The following MALRD1 variants were observed in gnomAD, a reference collection of about 807,000 sequenced individuals.
MALRD1 encodes the protein MAM and LDL-receptor class A domain-containing protein 1.
In MALRD1, 247 loss-of-function variants were observed where a neutral mutation model predicts 242.1. The observed-to-expected ratio is 1.02, with a 90% CI of 0.92 to 1.13. The LOEUF (loss-of-function observed/expected upper bound fraction) is 1.13, where lower values mean the gene tolerates loss of function less well. MALRD1 is among the 50% of genes most tolerant of loss of function. MALRD1 has a pLI of 0.00. For synonymous variants in MALRD1, 995 were observed against 866.6 expected, an observed-to-expected ratio of 1.15 and a Z score of -2.60; for missense variants, 2,989 against 2,533.1, an observed-to-expected ratio of 1.18 and a Z score of -3.86.
chr10:19,552,188 C>G (rs1332982245), intron 32 of MALRD1, among the ~76,000 whole-genome samples: 1 of 152,054 alleles, frequency 6.6e-6, no homozygotes, highest in Admixed American at 6.6e-5. Context: ...CTTTGTACAT[C>G]TGGTAAAATT....
chr10:19,487,850 A>G (rs532200663), intron 29 of MALRD1, among the ~76,000 whole-genome samples: 29 of 152,284 alleles, frequency 1.9e-4, no homozygotes, highest in African/African-American at 7.0e-4. Flanking sequence ...ATTTGTATAT[A>G]CCAAATTTTA....
intron 15 of MALRD1, among the ~76,000 whole-genome samples, 164 bp from the exon 16 acceptor site, chr10:19,204,144 A>G (rs557262962): frequency 2.6e-5 from 4 of 152,312 alleles, no homozygotes; most frequent in South Asian, 4.1e-4. Context: ...TAGTGGTTCA[A>G]TATTTATCAG....
intron 26 of MALRD1, among the ~76,000 whole-genome samples, chr10:19,378,438 G>A (rs1222115017): frequency 6.6e-6 from 1 of 152,140 alleles, no homozygotes; most frequent in African/African-American, 2.4e-5. Context: ...GCCATGGAAA[G>A]AAGTATTAAT....
intron 30 of MALRD1, among the ~76,000 whole-genome samples, chr10:19,495,261 G>GCCA (rs1211070886): frequency 7.1e-4 from 108 of 151,968 alleles, no homozygotes; most frequent in East Asian, 2.1e-3. Flanking sequence ...ACAGGTATGA[G>GCCA]CCACCACACC....
intron 24 of MALRD1, among the ~76,000 whole-genome samples, chr10:19,343,098 G>A (rs926057853): frequency 1.3e-5 from 2 of 151,840 alleles, no homozygotes; most frequent in African/African-American, 2.4e-5. Flanking sequence ...TTTATAGGAC[G>A]GTCATTCTGT....
At chr10:19,562,157 G>A (rs1372707032) in intron 32 of MALRD1, among the ~76,000 whole-genome samples, 3 of 152,084 alleles carry the variant, frequency 2.0e-5, no homozygotes, top group Admixed American at 6.5e-5. Flanking sequence ...TTAGCCAGGC[G>A]TGGTGGCGGG....
At chr10:19,508,969 G>A (rs1271685232) in intron 31 of MALRD1, among the ~76,000 whole-genome samples, 3 of 152,068 alleles carry the variant, frequency 2.0e-5, no homozygotes, top group Non-Finnish European at 4.4e-5. Flanking sequence ...AGCAAGAAGT[G>A]GCAAAGATGG....
intron 38 of MALRD1, among the ~76,000 whole-genome samples, chr10:19,712,240 T>C (rs1834158461): frequency 6.6e-6 from 1 of 152,186 alleles, no homozygotes; most frequent in African/African-American, 2.4e-5. Flanking sequence ...ACTAGGAATT[T>C]AATAGAGAAA....
At chr10:19,238,430 T>C (rs1306167940) in intron 18 of MALRD1, among the ~76,000 whole-genome samples, 7 of 84,904 alleles carry the variant, frequency 8.2e-5, no homozygotes, top group East Asian at 6.1e-4. Context: ...ATACATTATA[T>C]ATAATATATA....
chr10:19,144,682 T>C (rs1833669642), intron 10 of MALRD1, among the ~76,000 whole-genome samples: 1 of 152,152 alleles, frequency 6.6e-6, no homozygotes, highest in African/African-American at 2.4e-5. Flanking sequence ...GAGTTCCTGG[T>C]TTAAGGAGGC....
intron 36 of MALRD1, among the ~76,000 whole-genome samples, chr10:19,687,953 GTTATGTTATGTTATGTT>G (rs1422032528): frequency 3.3e-5 from 5 of 150,582 alleles, no homozygotes. Flanking sequence ...GTTATGTTAT[GTTATGTTATGTTATGTT>G]ATGTTATGTT....
At chr10:19,514,073 C>G (rs1294752635) in intron 31 of MALRD1, among the ~76,000 whole-genome samples, 3 of 152,160 alleles carry the variant, frequency 2.0e-5, no homozygotes, top group African/African-American at 7.2e-5. Context: ...TTTGTAATAG[C>G]TTTCAGGAAC....
chr10:19,651,574 A>G (rs1190539425), intron 36 of MALRD1, among the ~76,000 whole-genome samples: 2 of 152,160 alleles, frequency 1.3e-5, no homozygotes, highest in Non-Finnish European at 2.9e-5. Flanking sequence ...AACAAACAAC[A>G]CTTATTGAGC....
intron 26 of MALRD1, among the ~76,000 whole-genome samples, chr10:19,354,971 T>A (rs1844559508): frequency 6.6e-6 from 1 of 152,062 alleles, no homozygotes; most frequent in Non-Finnish European, 1.5e-5. Flanking sequence ...AAATAAAACA[T>A]TCAGCTGAGG....
chr10:19,692,106 A>C (rs1420683919), intron 36 of MALRD1, among the ~76,000 whole-genome samples, 176 bp from the exon 37 acceptor site: 1 of 152,156 alleles, frequency 6.6e-6, no homozygotes, highest in African/African-American at 2.4e-5. Context: ...TATGAAAATA[A>C]TACAATTTAA....
intron 5 of MALRD1, among the ~76,000 whole-genome samples, chr10:19,118,522 A>G (rs947726109): frequency 6.6e-5 from 10 of 152,232 alleles, no homozygotes; most frequent in African/African-American, 2.2e-4. Flanking sequence ...GAATCAATAG[A>G]AAGTAATGTG....
intron 26 of MALRD1, among the ~76,000 whole-genome samples, chr10:19,367,874 T>A (rs1480677023): frequency 6.6e-6 from 1 of 152,146 alleles, no homozygotes; most frequent in Non-Finnish European, 1.5e-5. Context: ...TGATCATTTT[T>A]TTCATACAAT....
chr10:19,568,342 TTTGTTGTTG>T (rs911371161), intron 33 of MALRD1, among the ~76,000 whole-genome samples: 3 of 145,102 alleles, frequency 2.1e-5, no homozygotes, highest in Admixed American at 1.3e-4. Context: ...TAAAAGTGGT[TTTGTTGTTG>T]TTGTTGTTGT....
chr10:19,390,952 C>T (rs1846312432), intron 28 of MALRD1, among the ~76,000 whole-genome samples: 1 of 152,186 alleles, frequency 6.6e-6, no homozygotes, highest in South Asian at 2.1e-4. Flanking sequence ...AAGAGGACTT[C>T]ACCAACACCC....
Sources: allele counts gnomAD v4.1 joint callset (sites outside exome capture counted in the v4.1 genomes callset), GRCh38; gene constraint gnomAD v4.1.1; transcripts MANE v1.5; gene names NCBI Gene and HGNC (gene_info 2026-07-23, HGNC 2026-07-21).